The following OXSR1 variants were observed in gnomAD, a reference collection of about 807,000 sequenced individuals.
OXSR1 encodes oxidative stress responsive kinase 1.
In OXSR1, 24 loss-of-function variants were observed where a neutral mutation model predicts 79.8. That is an observed-to-expected ratio of 0.30 (90% CI 0.22 to 0.42). The LOEUF (loss-of-function observed/expected upper bound fraction) is 0.42, where lower values mean the gene tolerates loss of function less well. Ranked by LOEUF, OXSR1 falls within the 10% of genes least tolerant of loss-of-function variation. The probability of loss-of-function intolerance (pLI) is 1.00; values close to 1 mark genes in which losing one functional copy is unlikely to be tolerated. For missense variants in OXSR1, 430 were observed against 618.4 expected (o/e 0.70, Z 3.23); for synonymous variants, 226 against 209.2 (o/e 1.08, Z -0.69).
At chr3:38,246,742 C>G (rs990059837) in intron 13 of OXSR1, among the ~76,000 whole-genome samples, 1 of 151,402 alleles carries the variant, frequency 6.6e-6, no homozygotes, top group Admixed American at 6.6e-5. Context: ...TTAAATCATA[C>G]TTCATTGAGA....
chr3:38,179,321 C>T (rs1264810096), intron 1 of OXSR1, among the ~76,000 whole-genome samples: 2 of 151,860 alleles, frequency 1.3e-5, no homozygotes, highest in Non-Finnish European at 1.5e-5. Flanking sequence ...TGAGCTCCCG[C>T]CCTGGCCTGG....
intron 4 of OXSR1, among the ~76,000 whole-genome samples, chr3:38,204,614 G>T (rs112879411): frequency 0.036 from 5,411 of 152,008 alleles, 108 homozygotes; most frequent in Middle Eastern, 0.13. Context: ...GGCCCAGGGT[G>T]TGTCTAGAAA....
chr3:38,223,388 T>C (rs1292704683), intron 6 of OXSR1, among the ~76,000 whole-genome samples: 2 of 151,348 alleles, frequency 1.3e-5, no homozygotes, highest in African/African-American at 4.9e-5. Context: ...CACCTCAGCC[T>C]CTCAAAGTGT....
chr3:38,167,979 T>A (rs1701500544), intron 1 of OXSR1, among the ~76,000 whole-genome samples: 1 of 151,196 alleles, frequency 6.6e-6, no homozygotes, highest in Non-Finnish European at 1.5e-5. Context: ...GCTGTTAAGG[T>A]GGCAGAGAAT....
chr3:38,164,792 C>T (rs1300245299), upstream of OXSR1, among the ~76,000 whole-genome samples: 1 of 152,172 alleles, frequency 6.6e-6, no homozygotes, highest in Non-Finnish European at 1.5e-5. Context: ...TGCGAATGGA[C>T]AGAACCCGCC....
Position 38,242,578 on chromosome 3 carries a change from G to A in OXSR1, c.1075-165G>A, listed in dbSNP as rs186415821. Among the ~76,000 whole-genome samples, 22 of 152,240 alleles carry A rather than the reference G, an allele frequency of 1.4e-4. 1 individual carries two copies. Among genetic ancestry groups the A allele is most frequent in the Admixed American group, 3.9e-4 (6 of 15,290 alleles). On this transcript the variant is annotated intron_variant, in intron 11 of 17. Transcript: ENST00000311806. ...TGGACAAAAAATACAATACTATCAT[G>A]ACAGTTATTTTTTCCAGAAAACTTT...
intron 1 of OXSR1, among the ~76,000 whole-genome samples, chr3:38,168,284 A>G (rs1381364371): frequency 1.3e-5 from 2 of 152,208 alleles, no homozygotes; most frequent in Non-Finnish European, 2.9e-5. Context: ...TACAACTATC[A>G]CCATAATCCA....
Position 38,198,704 on chromosome 3 carries a change from T to C in OXSR1, c.293-18T>C. ...AATGATTTAGAGATTTTTAGAAAATTATGTCTTCTGTTTTCAGGTTCTGTT... is the reference window on the plus strand; with the variant it reads ...AATGATTTAGAGATTTTTAGAAAATCATGTCTTCTGTTTTCAGGTTCTGTT... On this transcript the variant is annotated intron_variant, in intron 3 of 17. Transcript: ENST00000311806. 6.3e-7 allele frequency: 1 copy of C among 1,596,776 alleles called. No individual in the cohort carries two copies. The highest frequency in any genetic ancestry group is 8.6e-7 in the Non-Finnish European group (1 of 1,169,028).
chr3:38,180,522 C>T (rs1377921076), intron 1 of OXSR1, among the ~76,000 whole-genome samples: 1 of 148,614 alleles, frequency 6.7e-6, no homozygotes, highest in Non-Finnish European at 1.5e-5. Flanking sequence ...TGTATAGCTC[C>T]AACTTTTTTT....
chr3:38,197,485 G>A (rs377435569), intron 3 of OXSR1, among the ~76,000 whole-genome samples: 2 of 152,190 alleles, frequency 1.3e-5, no homozygotes, highest in Non-Finnish European at 2.9e-5. Flanking sequence ...TAGGGATCAC[G>A]TTGTCCTAAA....
intron 1 of OXSR1, among the ~76,000 whole-genome samples, chr3:38,166,670 A>C (rs1347098643): frequency 6.6e-6 from 1 of 151,932 alleles, no homozygotes. Flanking sequence ...GCGCGCCTGT[A>C]ATCCCAGCTA....
intron 1 of OXSR1, among the ~76,000 whole-genome samples, chr3:38,178,890 G>GTC (rs1701728092): frequency 6.6e-6 from 1 of 151,856 alleles, no homozygotes. Flanking sequence ...TTGAGATGGA[G>GTC]TCTCTCTCTG....
rs977102922 is a variant in OXSR1 at position 38,165,756 on chromosome 3, C to T, written c.-121C>T. ...GGCGCCGTCCGACCCGTGGCTGTTC[C>T]GAGACGATTGGTGGGGGCGCGGCGG... On this transcript the variant is annotated 5_prime_UTR_variant, in exon 1 of 18. Transcript: ENST00000311806. 3 of 903,904 alleles carry T rather than the reference C, an allele frequency of 3.3e-6. No individual in the cohort carries two copies. The highest frequency in any genetic ancestry group is 3.3e-5 in the African/African-American group (2 of 60,302). The allele number at this position is 903,904 out of a possible 1,614,324, so 56.0% of individuals were successfully genotyped here.
At chr3:38,243,557 A>G (rs1172307948) in intron 12 of OXSR1, among the ~76,000 whole-genome samples, 4 of 152,194 alleles carry the variant, frequency 2.6e-5, no homozygotes, top group Admixed American at 6.5e-5. Context: ...CTGTTCTGTC[A>G]TACAGTCTTA....
At position 38,253,014 on chromosome 3, in the gene OXSR1, G is replaced by A; in HGVS notation, c.*123G>A. The A allele has an allele frequency of 1.4e-6, 1 of 718,174 alleles. No individual in the cohort carries two copies. The highest frequency in any genetic ancestry group is 2.4e-6 in the Non-Finnish European group (1 of 416,882). 44.5% of individuals were successfully genotyped at this position (718,174 alleles called of 1,614,324 possible). ...ACAAACCTCCCGGCTAGGAGCTTTA[G>A]AAGTCTTTATGTTCTTCCTGCCATC... On this transcript the variant is annotated 3_prime_UTR_variant, in exon 18 of 18. Coordinates refer to ENST00000311806, the MANE Select transcript of OXSR1 (RefSeq NM_005109.3).
intron 2 of OXSR1, among the ~76,000 whole-genome samples, chr3:38,189,213 T>C (rs1404289413): frequency 6.6e-6 from 1 of 152,206 alleles, no homozygotes; most frequent in Non-Finnish European, 1.5e-5. Context: ...TTCTTTCCTA[T>C]AGATTCTTAT....
At chr3:38,175,114 A>C (rs896224467) in intron 1 of OXSR1, among the ~76,000 whole-genome samples, 2 of 152,188 alleles carry the variant, frequency 1.3e-5, no homozygotes, top group Non-Finnish European at 2.9e-5. Flanking sequence ...TCATCTTTCA[A>C]AACAGCCTGG....
intron 1 of OXSR1, among the ~76,000 whole-genome samples, chr3:38,171,157 A>G (rs1195754803): frequency 1.3e-5 from 2 of 152,184 alleles, no homozygotes; most frequent in Admixed American, 6.5e-5. Flanking sequence ...TGCTCCTGAC[A>G]GCCTCTCTCC....
chr3:38,194,414 C>T (rs552141659), intron 3 of OXSR1, among the ~76,000 whole-genome samples: 13 of 152,140 alleles, frequency 8.5e-5, no homozygotes, highest in Admixed American at 6.5e-4. Context: ...TAGCTAAGCT[C>T]GTACATGTAG....
Sources: allele counts gnomAD v4.1 joint callset (sites outside exome capture counted in the v4.1 genomes callset), GRCh38; gene constraint gnomAD v4.1.1; transcripts MANE v1.5; gene names NCBI Gene and HGNC (gene_info 2026-07-23, HGNC 2026-07-21).